IRF2: variants seen among roughly 807,000 people sequenced by gnomAD.
IRF2 encodes the protein interferon regulatory factor 2.
Under a neutral mutation model 40.6 loss-of-function variants are expected in IRF2, and 15 were observed. That is an observed-to-expected ratio of 0.37 (90% CI 0.25 to 0.57). The LOEUF is 0.57. Among genes scored for constraint, IRF2 ranks in the 20% least tolerant of loss-of-function variants. The probability of loss-of-function intolerance (pLI) is 0.77; values close to 1 mark genes in which losing one functional copy is unlikely to be tolerated. For synonymous variants in IRF2, 151 were observed against 165.5 expected (o/e 0.91, Z 0.67); for missense variants, 317 against 455.7 (o/e 0.70, Z 2.77).
At position 184,413,949 on chromosome 4, in the gene IRF2, C is replaced by T. The variant is rs762421245; in HGVS notation, c.411+4218G>A. Among the ~76,000 whole-genome samples, 1 of 152,210 alleles carries T rather than the reference C, an allele frequency of 6.6e-6. No homozygotes were observed. Among genetic ancestry groups the T allele is most frequent in the Admixed American group, 6.5e-5 (1 of 15,282 alleles). ...TTCATTCCTGATGCCCCTAGTGCTG[C>T]GGAAGGACCAGTTTGACCCTGTCCA... On this transcript the variant is annotated intron_variant, in intron 5 of 8. Transcript: ENST00000393593. This position sits in a 1 kb window ranked among gnomAD's most constrained non-coding sequence, Gnocchi z 4.2.
chr4:184,445,779 G>T (rs1439797433), intron 1 of IRF2, among the ~76,000 whole-genome samples: 1 of 152,010 alleles, frequency 6.6e-6, no homozygotes, highest in Non-Finnish European at 1.5e-5. Context: ...TACTCCAAAA[G>T]CCCATTTGAT....
chr4:184,393,811 CCT>C (rs1554011837), intron 7 of IRF2, among the ~76,000 whole-genome samples: 20 of 152,214 alleles, frequency 1.3e-4, no homozygotes, highest in Non-Finnish European at 2.1e-4. Context: ...TGAACCTCCC[CCT>C]GAGGGGAGCA....
intron 1 of IRF2, among the ~76,000 whole-genome samples, chr4:184,465,634 A>G (rs1038756532): frequency 1.3e-5 from 2 of 152,210 alleles, no homozygotes; most frequent in African/African-American, 4.8e-5. Flanking sequence ...CCCAATCAGC[A>G]TAGATCATAA....
At chr4:184,423,823 T>A (rs1355434691) in intron 2 of IRF2, among the ~76,000 whole-genome samples, 1 of 152,012 alleles carries the variant, frequency 6.6e-6, no homozygotes, top group East Asian at 1.9e-4. Context: ...AGACTTAGAG[T>A]CATAAACACC....
intron 8 of IRF2, 123 bp from the exon 9 acceptor site, chr4:184,389,189 G>A: frequency 1.1e-6 from 1 of 923,374 alleles, no homozygotes. Context: ...GGAGGCTGAG[G>A]CTGGAGGATC....
chr4:184,452,675 G>A (rs761400035), intron 1 of IRF2, among the ~76,000 whole-genome samples: 24 of 149,070 alleles, frequency 1.6e-4, no homozygotes, highest in Non-Finnish European at 2.8e-4. Context: ...GGAGGCCGAA[G>A]CAGGAGGTTC....
At chr4:184,445,429 G>A (rs910974879) in intron 1 of IRF2, among the ~76,000 whole-genome samples, 2 of 150,324 alleles carry the variant, frequency 1.3e-5, no homozygotes, top group African/African-American at 4.9e-5. Flanking sequence ...CAAGGCAGGC[G>A]GATTACGTGA....
At chr4:184,390,564 A>G (rs1034162530) in intron 8 of IRF2, 139 bp downstream of exon 8, 2 of 783,544 alleles carry the variant, frequency 2.6e-6, no homozygotes, top group Middle Eastern at 2.9e-4. Context: ...CTGGTGATGC[A>G]TATTTCACCA....
At chr4:184,440,617 G>A (rs1033434996) in intron 1 of IRF2, among the ~76,000 whole-genome samples, 3 of 152,246 alleles carry the variant, frequency 2.0e-5, no homozygotes, top group Non-Finnish European at 2.9e-5. Context: ...TGAGCTCTCA[G>A]AGTCTCTGCC....
intron 1 of IRF2, among the ~76,000 whole-genome samples, chr4:184,432,251 A>G (rs793817): frequency 1 from 151,982 of 152,364 alleles, 75,802 homozygotes; most frequent in Middle Eastern, 1. Flanking sequence ...ACTCGGGGAC[A>G]TGTGCTGAAT....
intron 2 of IRF2, among the ~76,000 whole-genome samples, chr4:184,420,147 T>C (rs1409025978): frequency 6.6e-6 from 1 of 152,206 alleles, no homozygotes; most frequent in African/African-American, 2.4e-5. Flanking sequence ...AGATTACAGG[T>C]GTGAGCCACC....
At chr4:184,466,093 G>A (rs939592315) in intron 1 of IRF2, among the ~76,000 whole-genome samples, 1 of 143,314 alleles carries the variant, frequency 7.0e-6, no homozygotes, top group African/African-American at 2.7e-5. Flanking sequence ...GAAGTCTCAC[G>A]CTTGTCACCC....
At chr4:184,411,036 C>T (rs1196360407) in intron 5 of IRF2, among the ~76,000 whole-genome samples, 1 of 151,596 alleles carries the variant, frequency 6.6e-6, no homozygotes, top group Non-Finnish European at 1.5e-5. Context: ...CTCTTTTGAA[C>T]ACTGTTCTAC....
At chr4:184,409,244 A>G in intron 5 of IRF2, among the ~76,000 whole-genome samples, 1 of 152,140 alleles carries the variant, frequency 6.6e-6, no homozygotes. Context: ...GTGCTTGGAA[A>G]AGTCAACAGT....
chr4:184,440,817 T>C (rs1054710950), intron 1 of IRF2, among the ~76,000 whole-genome samples: 4 of 152,136 alleles, frequency 2.6e-5, no homozygotes, highest in Non-Finnish European at 5.9e-5. Context: ...TTAGACTAGA[T>C]GGGTGGGAGT....
chr4:184,392,513 C>T (rs1015910009), intron 7 of IRF2, among the ~76,000 whole-genome samples: 23 of 152,238 alleles, frequency 1.5e-4, no homozygotes, highest in Non-Finnish European at 2.8e-4. Context: ...TCCCCCGTTA[C>T]GCAGAAGAGC....
At position 184,472,950 on chromosome 4, in the gene IRF2, G is replaced by T. The variant is rs368100490; in HGVS notation, c.-7+1429C>A. 3.9e-5 allele frequency among the ~76,000 whole-genome samples: 6 copies of T among 152,324 alleles called. No individual in the cohort carries two copies. In the East Asian group the frequency reaches 1.2e-3, roughly 30 times the overall value. ...GGTGGCAAACGCACCCAGACCGGGG[G>T]CCAAGGGGAGACGCCGGCGCGTGCT... On this transcript the variant is annotated intron_variant, in intron 1 of 8. Transcript: ENST00000393593.
intron 1 of IRF2, among the ~76,000 whole-genome samples, chr4:184,447,307 A>G (rs1738547420): frequency 6.6e-6 from 1 of 152,236 alleles, no homozygotes; most frequent in African/African-American, 2.4e-5. Context: ...CAAATACATG[A>G]CTGAAATGTA....
intron 1 of IRF2, among the ~76,000 whole-genome samples, chr4:184,441,222 AAC>A (rs1225777218): frequency 1.3e-5 from 2 of 152,226 alleles, no homozygotes; most frequent in Non-Finnish European, 2.9e-5. Flanking sequence ...GCACCCAGCA[AAC>A]ACCCAATGAA....
Sources: gnomAD v4.1 joint callset for allele counts (sites outside exome capture counted in the v4.1 genomes callset) on GRCh38, gnomAD v4.1.1 for gene constraint, Gnocchi (gnomAD v3.1) non-coding constraint, MANE v1.5 for transcripts, NCBI Gene and HGNC (gene_info 2026-07-23, HGNC 2026-07-21) for gene names.